Variants in SLC35E3 observed in about 807,000 individuals in gnomAD.
SLC35E3 encodes solute carrier family 35 member E3.
Under a neutral mutation model 30.8 loss-of-function variants are expected in SLC35E3, and 28 were observed. The ratio of observed to expected loss-of-function variants is 0.91; its 90% CI spans 0.67 to 1.25. The LOEUF (loss-of-function observed/expected upper bound fraction) is 1.25. Among genes scored for constraint, SLC35E3 ranks in the 50% most tolerant of loss-of-function variants. The probability of loss-of-function intolerance (pLI) is 0.00; values close to 1 mark genes in which losing one functional copy is unlikely to be tolerated. For missense variants in SLC35E3, 365 were observed against 375.4 expected, an observed-to-expected ratio of 0.97 and a Z score of 0.23; for synonymous variants, 146 against 149.2, an observed-to-expected ratio of 0.98 and a Z score of 0.16.
At chr12:68,759,261 G>C (rs373785601) in intron 4 of SLC35E3, 22 bp downstream of exon 4, 167 of 1,543,330 alleles carry the variant, frequency 1.1e-4, no homozygotes, top group Non-Finnish European at 1.4e-4. Context: ...ATATAACTTA[G>C]AAATGCATCG....
intron 4 of SLC35E3, among the ~76,000 whole-genome samples, chr12:68,760,657 C>T (rs1215651743): frequency 6.6e-6 from 1 of 152,150 alleles, no homozygotes; most frequent in Non-Finnish European, 1.5e-5. Context: ...TGATTTAAAA[C>T]ATTAATTTAT....
intron 4 of SLC35E3, among the ~76,000 whole-genome samples, chr12:68,762,467 T>C (rs1454039259): frequency 3.3e-5 from 5 of 151,986 alleles, no homozygotes; most frequent in Non-Finnish European, 5.9e-5. Context: ...CTGGTCACCA[T>C]TGAGGGACTG....
intron 3 of SLC35E3, among the ~76,000 whole-genome samples, chr12:68,757,258 A>G (rs1158959656): frequency 6.6e-6 from 1 of 152,232 alleles, no homozygotes; most frequent in Non-Finnish European, 1.5e-5. Flanking sequence ...ACTCCTCTTC[A>G]ACGTGGAACT....
chr12:68,754,459 T>C (rs924984716), intron 3 of SLC35E3, among the ~76,000 whole-genome samples: 5 of 152,044 alleles, frequency 3.3e-5, no homozygotes, highest in Admixed American at 3.3e-4. Context: ...AATTTTTTTG[T>C]ATTTTTGATA....
intron 3 of SLC35E3, among the ~76,000 whole-genome samples, chr12:68,758,016 T>A (rs935594753): frequency 6.6e-6 from 1 of 151,110 alleles, no homozygotes; most frequent in Non-Finnish European, 1.5e-5. Context: ...CACTTGAACC[T>A]GGGAGGCAGA....
Position 68,780,851 on chromosome 12 carries a change from G to A in SLC35E3, c.*15961G>A, listed in dbSNP as rs1879867741. On this transcript the variant is annotated 3_prime_UTR_variant, in exon 5 of 5. Coordinates refer to ENST00000398004, the MANE Select transcript of SLC35E3 (RefSeq NM_018656.5). ...CTTTTCTGAGAGCCTTACCTCTCTTGTGATTTGAAGCATTTTCTCCACCAG... is the reference window on the plus strand; with the variant it reads ...CTTTTCTGAGAGCCTTACCTCTCTTATGATTTGAAGCATTTTCTCCACCAG... 6.6e-6 allele frequency: 1 copy of A among 152,184 alleles called. No homozygotes were observed. Among genetic ancestry groups the A allele is most frequent in the African/African-American group, 2.4e-5 (1 of 41,450 alleles). 9.4% of individuals were successfully genotyped at this position (152,184 alleles called of 1,614,324 possible). A position where few individuals can be genotyped will look rare whatever the true frequency, so the allele number is the denominator to read the frequency against.
rs1346039044 is a variant in SLC35E3 at position 68,768,743 on chromosome 12, G to A, written c.*3853G>A. 2 of 152,202 alleles carry A rather than the reference G, an allele frequency of 1.3e-5. No individual in the cohort carries two copies. Among genetic ancestry groups the A allele is most frequent in the Non-Finnish European group, 2.9e-5 (2 of 68,044 alleles). The allele number at this position is 152,202 out of a possible 1,614,324, so 9.4% of individuals were successfully genotyped here. A position where few individuals can be genotyped will look rare whatever the true frequency, so the allele number is the denominator to read the frequency against. On this transcript the variant is annotated 3_prime_UTR_variant, in exon 5 of 5. Coordinates refer to ENST00000398004, the MANE Select transcript of SLC35E3 (RefSeq NM_018656.5). ...ATCTGTGTAACATATGCATGGTAAC[G>A]CTGACGTGTTCAGCTGTTCATATTT...
At position 68,776,770 on chromosome 12, in the gene SLC35E3, CAG is replaced by C. The variant is rs1190397143; in HGVS notation, c.*11881_*11882del. 1 of 152,014 alleles carries C rather than the reference CAG, an allele frequency of 6.6e-6. No individual in the cohort carries two copies. Among genetic ancestry groups the C allele is most frequent in the African/African-American group, 2.4e-5 (1 of 41,362 alleles). The allele number at this position is 152,014 out of a possible 1,614,324, so 9.4% of individuals were successfully genotyped here. ...TCCAGAGAGTGGGGTGTGTGGAAGA[CAG>C]GGACTGGTCTGGTGGCATGTAGATT... is the stretch of plus-strand genomic sequence containing the variant. On this transcript the variant is annotated 3_prime_UTR_variant, in exon 5 of 5. Coordinates refer to ENST00000398004, the MANE Select transcript of SLC35E3 (RefSeq NM_018656.5).
Position 68,777,241 on chromosome 12 carries a change from T to G in SLC35E3, c.*12351T>G, listed in dbSNP as rs1879769718. ...AGGACCATGGACATTGGTGAGCAAC[T>G]GTGTGCTGGGAGGAAATGGCTGCTT... is the stretch of plus-strand genomic sequence containing the variant. On this transcript the variant is annotated 3_prime_UTR_variant, in exon 5 of 5. Transcript: ENST00000398004. 1.3e-5 allele frequency: 2 copies of G among 152,180 alleles called. No individual in the cohort carries two copies. Among genetic ancestry groups the G allele is most frequent in the South Asian group, 4.1e-4 (2 of 4,828 alleles). 9.4% of individuals were successfully genotyped at this position (152,180 alleles called of 1,614,324 possible).
rs979735646 is a variant in SLC35E3, at chr12:68,771,809, G to A, written c.*6919G>A. On this transcript the variant is annotated 3_prime_UTR_variant, in exon 5 of 5. Transcript: ENST00000398004. ...CCAGACTCTGCCATTCACTGGTATA[G>A]CCTTTGGCAAAGCCTTTGGGCAGCT... The A allele has an allele frequency of 9.2e-5, 14 of 152,288 alleles. No individual in the cohort carries two copies. The highest frequency in any genetic ancestry group is 3.4e-4 in the African/African-American group (14 of 41,476). 9.4% of individuals were successfully genotyped at this position (152,288 alleles called of 1,614,324 possible). A position where few individuals can be genotyped will look rare whatever the true frequency, so the allele number is the denominator to read the frequency against.
At chr12:68,747,782 T>C in intron 1 of SLC35E3, 148 bp from the exon 2 acceptor site, 1 of 491,774 alleles carries the variant, frequency 2.0e-6, no homozygotes, top group South Asian at 3.5e-5. Context: ...CAACTAGTTT[T>C]CCCAAGTCAA....
rs1043431945 is a variant in SLC35E3, at chr12:68,746,284, G to C, written c.-94G>C. The stretch of plus-strand genomic sequence containing the variant: ...ACTCCTGGGTCAGACGGTGAGGTCG[G>C]CGTCTGCGAGGACGCGGCGGTGGAG... On this transcript the variant is annotated 5_prime_UTR_variant, in exon 1 of 5. Transcript: ENST00000398004. 1.6e-4 allele frequency: 201 copies of C among 1,253,760 alleles called. No individual in the cohort carries two copies. Among genetic ancestry groups the C allele is most frequent in the Non-Finnish European group, 2.1e-4 (194 of 914,916 alleles). 77.7% of individuals were successfully genotyped at this position (1,253,760 alleles called of 1,614,324 possible).
rs2136084148 is a variant in SLC35E3, at chr12:68,770,286, G to A, written c.*5396G>A. The A allele has an allele frequency of 6.6e-6, 1 of 152,346 alleles. No individual in the cohort carries two copies. Among genetic ancestry groups the A allele is most frequent in the Middle Eastern group, 3.4e-3 (1 of 294 alleles). The allele number at this position is 152,346 out of a possible 1,614,324, so 9.4% of individuals were successfully genotyped here. A position where few individuals can be genotyped will look rare whatever the true frequency, so the allele number is the denominator to read the frequency against. The stretch of plus-strand genomic sequence containing the variant: ...GACCTCAGGCCATACAATACCTGGA[G>A]GCTATGGTAAGCATCTTTAGTAAGA... On this transcript the variant is annotated 3_prime_UTR_variant, in exon 5 of 5. Coordinates refer to ENST00000398004, the MANE Select transcript of SLC35E3 (RefSeq NM_018656.5).
At position 68,774,223 on chromosome 12, in the gene SLC35E3, GC is replaced by G. The variant is rs981451384; in HGVS notation, c.*9336del. On this transcript the variant is annotated 3_prime_UTR_variant, in exon 5 of 5. Transcript: ENST00000398004. ...AGGCCGAGGGAGGAGGATCATTTGA[GC>G]CCAGGAGTTTGAGACCAGCCTGGGC... The G allele has an allele frequency of 6.6e-6, 1 of 152,252 alleles. No homozygotes were observed. Among genetic ancestry groups the G allele is most frequent in the African/African-American group, 2.4e-5 (1 of 41,440 alleles). The allele number at this position is 152,252 out of a possible 1,614,324, so 9.4% of individuals were successfully genotyped here.
rs34394503 is a variant in SLC35E3, at chr12:68,771,275, G to GA, written c.*6399dup. On this transcript the variant is annotated 3_prime_UTR_variant, in exon 5 of 5. Transcript: ENST00000398004. ...GGTGACAGAGAGAGACTCTATCTCAGAAAAAAAAAAAAAAGATGTTAATCA... is the reference window on the plus strand; with the variant it reads ...GGTGACAGAGAGAGACTCTATCTCAGAAAAAAAAAAAAAAAGATGTTAATCA... 4,432 of 127,288 alleles carry GA rather than the reference G, an allele frequency of 0.035. 107 individuals are homozygous for GA. Among genetic ancestry groups the GA allele is most frequent in the African/African-American group, 0.08 (2,775 of 34,732 alleles). 7.9% of individuals were successfully genotyped at this position (127,288 alleles called of 1,614,324 possible).
In SLC35E3 at chr12:68,781,293, C is replaced by T. The variant is rs551209283; in HGVS notation, c.*16403C>T. 1 of 152,272 alleles carries T rather than the reference C, an allele frequency of 6.6e-6. No individual in the cohort carries two copies. The highest frequency in any genetic ancestry group is 2.4e-5 in the African/African-American group (1 of 41,560). The allele number at this position is 152,272 out of a possible 1,614,324, so 9.4% of individuals were successfully genotyped here. ...CTGGGCAAATTATTCTGAATGTTCC[C>T]ATGCTGAAGATTCTCTCAAAAAGGG... On this transcript the variant is annotated 3_prime_UTR_variant, in exon 5 of 5. Coordinates refer to ENST00000398004, the MANE Select transcript of SLC35E3 (RefSeq NM_018656.5).
At position 68,746,756 on chromosome 12, in the gene SLC35E3, T is replaced by G. The variant is rs1445684271; in HGVS notation, c.379T>G (p.Ser127Ala). ...GACCTTCTGCTACCAGAAAACCTTC[T>G]CCACCAGAATCCAGCTCACGCTGGT... Reference protein sequence around the residue: ...IQTFCYQKTFSTRIQLTLIPI... With the variant: ...IQTFCYQKTFATRIQLTLIPI... The change falls in exon 1 of 5, where the codon TCC becomes GCC. Residue 127 changes from serine (S) to alanine (A), a missense_variant. By Grantham distance (99) the Ser-to-Ala change is moderately conservative (BLOSUM62 1). Transcript: ENST00000398004. 3.1e-6 allele frequency: 5 copies of G among 1,591,688 alleles called. 1 individual carries two copies. In the South Asian group the frequency reaches 5.6e-5, roughly 18 times the overall value.
intron 3 of SLC35E3, among the ~76,000 whole-genome samples, chr12:68,753,111 CAAAAA>C (rs34737156): frequency 8.2e-6 from 1 of 122,404 alleles, no homozygotes; most frequent in Admixed American, 8.4e-5. Flanking sequence ...ACACCTGTCT[CAAAAA>C]AAAAAAAAAA....
intron 4 of SLC35E3, among the ~76,000 whole-genome samples, chr12:68,760,535 A>G (rs1337994294): frequency 1.3e-5 from 2 of 152,160 alleles, no homozygotes; most frequent in East Asian, 1.9e-4. Flanking sequence ...AGGTTAACCA[A>G]CTCACTTAAG....
Sources: allele counts gnomAD v4.1 joint callset (sites outside exome capture counted in the v4.1 genomes callset), GRCh38; gene constraint gnomAD v4.1.1; transcripts MANE v1.5; gene names NCBI Gene and HGNC (gene_info 2026-07-23, HGNC 2026-07-21).